HACD4: variants seen among roughly 807,000 people sequenced by gnomAD.
HACD4 encodes the protein 3-hydroxyacyl-CoA dehydratase 4.
Under a neutral mutation model 33.3 loss-of-function variants are expected in HACD4, and 35 were observed. The observed-to-expected ratio is 1.05, with a 90% CI of 0.80 to 1.39. The LOEUF is 1.39. Ranked by LOEUF, HACD4 falls within the 40% of genes most tolerant of loss-of-function variation. The pLI is 0.00. For synonymous variants in HACD4, 118 were observed against 98.0 expected (o/e 1.20, Z -1.21); for missense variants, 323 against 276.5 (o/e 1.17, Z -1.19).
intron 6 of HACD4, among the ~76,000 whole-genome samples, chr9:21,007,391 G>C (rs531096069): frequency 6.6e-6 from 1 of 152,004 alleles, no homozygotes; most frequent in South Asian, 2.1e-4. Context: ...TCACATTTTT[G>C]TCTTTTCTCT....
chr9:21,017,531 C>A (rs545205060), intron 3 of HACD4, among the ~76,000 whole-genome samples: 1 of 152,144 alleles, frequency 6.6e-6, no homozygotes, highest in African/African-American at 2.4e-5. Flanking sequence ...CCTTCAGATA[C>A]ACGATCATAG....
chr9:21,029,170 C>T (rs1818140469), intron 2 of HACD4, 125 bp downstream of exon 2: 1 of 598,834 alleles, frequency 1.7e-6, no homozygotes, highest in East Asian at 3.1e-5. Context: ...AACATGGTTG[C>T]TAAAAAATAC....
At chr9:21,009,596 A>G (rs1842362037) in intron 5 of HACD4, among the ~76,000 whole-genome samples, 1 of 152,186 alleles carries the variant, frequency 6.6e-6, no homozygotes, top group African/African-American at 2.4e-5. Flanking sequence ...GCACAATGTG[A>G]TATTTTGATA....
In HACD4 at chr9:21,029,373, T is replaced by A; in HGVS notation, c.64A>T (p.Ile22Phe). Residue 22 changes from isoleucine to phenylalanine, a missense_variant, in exon 2 of 7, where the codon ATC becomes TTC. Coordinates refer to ENST00000495827, the MANE Select transcript of HACD4 (RefSeq NM_001010915.5). The part of the protein sequence containing the change: ...PRYRKNAYLF[I>F]YYLIQFCGHS... ...CCACAGAACTGGATTAAGTAATAGA[T>A]GAAAAGATACGCATTCTTCCTATAC... 1 of 1,590,708 alleles carries A rather than the reference T, an allele frequency of 6.3e-7. No individual in the cohort carries two copies. Among genetic ancestry groups the A allele is most frequent in the South Asian group, 1.1e-5 (1 of 89,498 alleles).
intron 5 of HACD4, among the ~76,000 whole-genome samples, chr9:21,009,535 T>G (rs965108151): frequency 4.6e-5 from 7 of 152,196 alleles, no homozygotes; most frequent in African/African-American, 1.7e-4. Context: ...TATATTCTTT[T>G]AAATTTGATT....
chr9:21,029,383 C>G lies in HACD4; in HGVS notation c.54G>C (p.Ala18=). The G allele has an allele frequency of 6.3e-7, 1 of 1,579,742 alleles. No homozygotes were observed. The highest frequency in any genetic ancestry group is 8.7e-7 in the Non-Finnish European group (1 of 1,151,832). Residue 18 remains alanine, a synonymous_variant, in exon 2 of 7, where the codon GCG becomes GCC. Transcript: ENST00000495827. ...GGATTAAGTAATAGATGAAAAGATACGCATTCTTCCTATACCTATAAATAC... is the reference window on the plus strand; with the variant it reads ...GGATTAAGTAATAGATGAAAAGATAGGCATTCTTCCTATACCTATAAATAC... The part of the protein sequence containing the change: ...AWLQPRYRKN[A]YLFIYYLIQF...
In HACD4 at chr9:21,003,330, CTTTG is replaced by C. The variant is rs1295832779; in HGVS notation, c.*3703_*3706del. The C allele has an allele frequency of 1.3e-5, 2 of 151,922 alleles. No individual in the cohort carries two copies. Among genetic ancestry groups the C allele is most frequent in the African/African-American group, 4.8e-5 (2 of 41,384 alleles). The allele number at this position is 151,922 out of a possible 1,614,324, so 9.4% of individuals were successfully genotyped here. ...TAAAGTGTAGTTTCTCTAATTTTCT[CTTTG>C]TTTTAGTGATTGATTGTACATGTAC... On this transcript the variant is annotated 3_prime_UTR_variant, in exon 7 of 7. Coordinates refer to ENST00000495827, the MANE Select transcript of HACD4 (RefSeq NM_001010915.5).
chr9:21,007,354 T>C (rs1055573327), intron 6 of HACD4, among the ~76,000 whole-genome samples: 27 of 152,196 alleles, frequency 1.8e-4, no homozygotes, highest in African/African-American at 5.8e-4. Flanking sequence ...TTCTTTAGCA[T>C]AGCTCTCTCC....
intron 3 of HACD4, among the ~76,000 whole-genome samples, chr9:21,017,573 T>A (rs1457278957): frequency 6.6e-6 from 1 of 152,166 alleles, no homozygotes; most frequent in Non-Finnish European, 1.5e-5. Context: ...CTACCTCTCT[T>A]ACATTTGATC....
rs756907301 is a variant in HACD4, at chr9:21,005,193, T to C, written c.*1844A>G. ...AAATTGTGAGCCATGAAATTAGATA[T>C]TGAACTGAAGAGATCTCCAACCAGT... On this transcript the variant is annotated 3_prime_UTR_variant, in exon 7 of 7. Transcript: ENST00000495827. The surrounding 1 kb of genome is among the most constrained non-coding windows in gnomAD (Gnocchi z 4.0). 1 of 152,202 alleles carries C rather than the reference T, an allele frequency of 6.6e-6. No individual in the cohort carries two copies. The highest frequency in any genetic ancestry group is 1.5e-5 in the Non-Finnish European group (1 of 68,036). 9.4% of individuals were successfully genotyped at this position (152,202 alleles called of 1,614,324 possible). A position where few individuals can be genotyped will look rare whatever the true frequency, so the allele number is the denominator to read the frequency against.
intron 3 of HACD4, among the ~76,000 whole-genome samples, chr9:21,021,281 T>A (rs7018476): frequency 1.3e-5 from 2 of 151,956 alleles, no homozygotes; most frequent in Non-Finnish European, 2.9e-5. Context: ...CATACTGAAT[T>A]GGCAAAAACT....
In HACD4 at chr9:21,005,253, A is replaced by G. The variant is rs1842241548; in HGVS notation, c.*1784T>C. On this transcript the variant is annotated 3_prime_UTR_variant, in exon 7 of 7. Coordinates refer to ENST00000495827, the MANE Select transcript of HACD4 (RefSeq NM_001010915.5). This position sits in a 1 kb window ranked among gnomAD's most constrained non-coding sequence, Gnocchi z 4.0. Reference sequence around the variant, plus strand: ...GTGCCTCGGTTTATCTTGACTGCTTAAAGTAAAATGTGACAAAAAATGAAG... The same window carrying G: ...GTGCCTCGGTTTATCTTGACTGCTTGAAGTAAAATGTGACAAAAAATGAAG... 6.6e-6 allele frequency: 1 copy of G among 152,198 alleles called. No homozygotes were observed. Among genetic ancestry groups the G allele is most frequent in the Non-Finnish European group, 1.5e-5 (1 of 68,032 alleles). 9.4% of individuals were successfully genotyped at this position (152,198 alleles called of 1,614,324 possible).
chr9:21,019,408 T>C (rs1817845397), intron 3 of HACD4, among the ~76,000 whole-genome samples: 1 of 152,124 alleles, frequency 6.6e-6, no homozygotes, highest in South Asian at 2.1e-4. Context: ...GTAATTATTA[T>C]ATACAGGAAA....
In HACD4 at chr9:21,002,008, A is replaced by G. The variant is rs973061530; in HGVS notation, c.*5029T>C. On this transcript the variant is annotated 3_prime_UTR_variant, in exon 7 of 7. Coordinates refer to ENST00000495827, the MANE Select transcript of HACD4 (RefSeq NM_001010915.5). ...TTTTGTAACAATGGTTTGTAACTCC[A>G]CTTTTTGTTTTCTACATAGAGACTA... 3.3e-5 allele frequency: 5 copies of G among 152,270 alleles called. No individual in the cohort carries two copies. The highest frequency in any genetic ancestry group is 3.4e-3 in the Middle Eastern group (1 of 294). 9.4% of individuals were successfully genotyped at this position (152,270 alleles called of 1,614,324 possible).
chr9:21,007,718 AG>A (rs1165114713), intron 6 of HACD4, among the ~76,000 whole-genome samples: 1 of 152,180 alleles, frequency 6.6e-6, no homozygotes, highest in Non-Finnish European at 1.5e-5. Context: ...TTTGACATCT[AG>A]GTTTTATTTG....
intron 4 of HACD4, among the ~76,000 whole-genome samples, chr9:21,014,629 T>G (rs12551341): frequency 6.6e-6 from 1 of 151,956 alleles, no homozygotes; most frequent in Non-Finnish European, 1.5e-5. Context: ...TCTAGGATAG[T>G]AGTGATGATT....
At chr9:21,026,997 C>G (rs1393888333) in intron 2 of HACD4, among the ~76,000 whole-genome samples, 1 of 152,166 alleles carries the variant, frequency 6.6e-6, no homozygotes, top group Non-Finnish European at 1.5e-5. Flanking sequence ...CATTTATTCC[C>G]CACTTATAAG....
chr9:21,019,649 C>T (rs1012359408), intron 3 of HACD4, among the ~76,000 whole-genome samples: 1 of 151,936 alleles, frequency 6.6e-6, no homozygotes, highest in Non-Finnish European at 1.5e-5. Context: ...AGAAATATAG[C>T]TTTATACTTA....
chr9:21,020,389 C>G (rs1200858914), intron 3 of HACD4, among the ~76,000 whole-genome samples: 1 of 152,094 alleles, frequency 6.6e-6, no homozygotes, highest in East Asian at 1.9e-4. Flanking sequence ...TTAGTGTTGG[C>G]TATTTTCCCC....
Sources: gnomAD v4.1 joint callset for allele counts (sites outside exome capture counted in the v4.1 genomes callset) on GRCh38, gnomAD v4.1.1 for gene constraint, Gnocchi (gnomAD v3.1) non-coding constraint, MANE v1.5 for transcripts, NCBI Gene and HGNC (gene_info 2026-07-23, HGNC 2026-07-21) for gene names.